The following CACNA2D1 variants were observed in gnomAD, a reference collection of about 807,000 sequenced individuals.
CACNA2D1 encodes the protein calcium voltage-gated channel auxiliary subunit alpha2delta 1.
In CACNA2D1, 53 loss-of-function variants were observed where a neutral mutation model predicts 171.5. The ratio of observed to expected loss-of-function variants is 0.31; its 90% CI spans 0.25 to 0.39. The LOEUF (loss-of-function observed/expected upper bound fraction) is 0.39, where lower values mean the gene tolerates loss of function less well. CACNA2D1 is among the 10% of genes least tolerant of loss of function. The pLI is 1.00. For missense variants in CACNA2D1, 903 were observed against 1,299.8 expected (o/e 0.69, Z 4.69); for synonymous variants, 442 against 443.1 (o/e 1.00, Z 0.03).
chr7:82,348,705 T>A (rs1819532333), intron 2 of CACNA2D1, among the ~76,000 whole-genome samples: 1 of 152,178 alleles, frequency 6.6e-6, no homozygotes, highest in Non-Finnish European at 1.5e-5. Flanking sequence ...CTCATATATA[T>A]TTACATGATA....
chr7:82,289,324 A>C (rs1294959481), intron 3 of CACNA2D1, among the ~76,000 whole-genome samples: 2 of 152,236 alleles, frequency 1.3e-5, no homozygotes, highest in East Asian at 3.8e-4. Context: ...AAAGAACAAA[A>C]GGCTTCTTGT....
At chr7:82,237,703 A>G (rs1278187995) in intron 3 of CACNA2D1, among the ~76,000 whole-genome samples, 1 of 152,000 alleles carries the variant, frequency 6.6e-6, no homozygotes, top group South Asian at 2.1e-4. Flanking sequence ...TCAATATGCT[A>G]TAACCTATAA....
At chr7:81,951,986 T>TTGTTTTTTTGTTTTTTTG (rs1330923235) in intron 38 of CACNA2D1, among the ~76,000 whole-genome samples, 1 of 148,972 alleles carries the variant, frequency 6.7e-6, no homozygotes, top group African/African-American at 2.5e-5. Context: ...TTTTTTTTTT[T>TTGTTTTTTTGTTTTTTTG]TTTTTAACCA....
At chr7:82,247,007 G>A (rs532270475) in intron 3 of CACNA2D1, among the ~76,000 whole-genome samples, 1 of 152,132 alleles carries the variant, frequency 6.6e-6, no homozygotes, top group East Asian at 1.9e-4. Flanking sequence ...GTCAAAATGT[G>A]CTGGACAGAG....
At chr7:81,975,633 ATTCT>A (rs1166090377) in intron 24 of CACNA2D1, among the ~76,000 whole-genome samples, 3 of 152,194 alleles carry the variant, frequency 2.0e-5, no homozygotes, top group Non-Finnish European at 4.4e-5. Flanking sequence ...AAAATTCCAT[ATTCT>A]TTCTTATACT....
chr7:82,163,875 GA>G (rs1288936267), intron 4 of CACNA2D1, among the ~76,000 whole-genome samples: 1 of 151,888 alleles, frequency 6.6e-6, no homozygotes, highest in Non-Finnish European at 1.5e-5. Context: ...ATCATCCTTG[GA>G]AGAGAGATAG....
intron 1 of CACNA2D1, among the ~76,000 whole-genome samples, chr7:82,369,511 T>C (rs1822126824): frequency 6.6e-6 from 1 of 152,000 alleles, no homozygotes; most frequent in South Asian, 2.1e-4. Context: ...CTTTTCTGAA[T>C]GTAAAATTAA....
chr7:82,100,771 G>A (rs1358123368), intron 6 of CACNA2D1, among the ~76,000 whole-genome samples: 1 of 151,332 alleles, frequency 6.6e-6, no homozygotes, highest in Non-Finnish European at 1.5e-5. Flanking sequence ...TTTTGAGAAT[G>A]TTACCCACAA....
intron 3 of CACNA2D1, among the ~76,000 whole-genome samples, chr7:82,252,956 G>A (rs905192660): frequency 2.0e-5 from 3 of 151,930 alleles, no homozygotes; most frequent in Non-Finnish European, 4.4e-5. Context: ...TTGAGGGAGA[G>A]ATAAGAGAGG....
chr7:82,313,260 A>G (rs12672435), intron 3 of CACNA2D1, among the ~76,000 whole-genome samples: 26,926 of 152,144 alleles, frequency 0.18, 2,433 homozygotes, highest in South Asian at 0.28. Flanking sequence ...CAAGTGGGAG[A>G]CTAAAGGAAA....
At chr7:82,380,839 C>T (rs942968238) in intron 1 of CACNA2D1, among the ~76,000 whole-genome samples, 2 of 151,794 alleles carry the variant, frequency 1.3e-5, no homozygotes, top group Admixed American at 6.6e-5. Context: ...GGACCACAGG[C>T]GCATGCCACC....
intron 1 of CACNA2D1, among the ~76,000 whole-genome samples, chr7:82,406,121 T>C (rs1827009781): frequency 6.6e-6 from 1 of 152,030 alleles, no homozygotes; most frequent in African/African-American, 2.4e-5. Context: ...CTCCCACCTA[T>C]GAGTGAGAAC....
rs549718244 is a variant in CACNA2D1, at chr7:82,239,716, C to T, written c.295-69107G>A. Among the ~76,000 whole-genome samples the T allele has an allele frequency of 1.5e-3, 227 of 152,138 alleles. 4 individuals carry two copies. The highest frequency in any genetic ancestry group is 5.3e-3 in the African/African-American group (218 of 41,484). The stretch of plus-strand genomic sequence containing the variant: ...CTAAATTGTCATGTAGCCTAAATGT[C>T]TCTTTTTTTCATTAGATTAGGAGTC... On this transcript the variant is annotated intron_variant, in intron 3 of 38. Coordinates refer to ENST00000356860, the MANE Select transcript of CACNA2D1 (RefSeq NM_000722.4).
At chr7:82,041,521 A>G (rs1037189058) in intron 10 of CACNA2D1, among the ~76,000 whole-genome samples, 2 of 152,200 alleles carry the variant, frequency 1.3e-5, no homozygotes, top group Non-Finnish European at 2.9e-5. Context: ...AAAAAACAAG[A>G]GGTAAAATGT....
At chr7:81,964,149 G>C (rs202188055) in intron 33 of CACNA2D1, 41 bp from the exon 34 acceptor site, 2 of 1,604,830 alleles carry the variant, frequency 1.2e-6, no homozygotes, top group Admixed American at 3.3e-5. Context: ...TAGTCTACTT[G>C]ATACTGAGGA....
At chr7:82,356,620 G>T (rs1013779898) in intron 1 of CACNA2D1, among the ~76,000 whole-genome samples, 2 of 151,550 alleles carry the variant, frequency 1.3e-5, no homozygotes, top group African/African-American at 4.8e-5. Flanking sequence ...TTATTGAATA[G>T]AAAAGTAAAT....
chr7:82,149,602 A>T (rs907412928), intron 4 of CACNA2D1, among the ~76,000 whole-genome samples: 2 of 152,064 alleles, frequency 1.3e-5, no homozygotes, highest in African/African-American at 4.8e-5. Context: ...AAAGCCCTCA[A>T]GGCCAAGATG....
chr7:82,180,103 A>T (rs749923991), intron 3 of CACNA2D1, among the ~76,000 whole-genome samples: 8 of 152,170 alleles, frequency 5.3e-5, no homozygotes, highest in Non-Finnish European at 1.2e-4. Context: ...TGCATGTCAC[A>T]TGAACAGAGG....
At chr7:82,225,053 G>T (rs1475147691) in intron 3 of CACNA2D1, among the ~76,000 whole-genome samples, 4 of 151,876 alleles carry the variant, frequency 2.6e-5, no homozygotes, top group Non-Finnish European at 5.9e-5. Flanking sequence ...ATTATTTTTT[G>T]TCCAAGTGAT....
Sources: allele counts gnomAD v4.1 joint callset (sites outside exome capture counted in the v4.1 genomes callset), GRCh38; gene constraint gnomAD v4.1.1; transcripts MANE v1.5; gene names NCBI Gene and HGNC (gene_info 2026-07-23, HGNC 2026-07-21).